Variants in TRPC6 observed in about 807,000 individuals in gnomAD.
The protein encoded by TRPC6 is short transient receptor potential channel 6.
Under a neutral mutation model 90.7 loss-of-function variants are expected in TRPC6, and 55 were observed. The ratio of observed to expected loss-of-function variants is 0.61; its 90% CI spans 0.49 to 0.76. The LOEUF (loss-of-function observed/expected upper bound fraction) is 0.76, where lower values mean the gene tolerates loss of function less well. Among genes scored for constraint, TRPC6 ranks in the 30% least tolerant of loss-of-function variants. The pLI is 0.00. For synonymous variants in TRPC6, 393 were observed against 393.0 expected (o/e 1.00, Z 0.00); for missense variants, 989 against 1,122.7 (o/e 0.88, Z 1.70).
intron 1 of TRPC6, among the ~76,000 whole-genome samples, chr11:101,571,729 A>G (rs578241164): frequency 6.6e-6 from 1 of 152,292 alleles, no homozygotes; most frequent in African/African-American, 2.4e-5. Flanking sequence ...ATCTACAACC[A>G]TCTGATCTTT....
intron 1 of TRPC6, among the ~76,000 whole-genome samples, chr11:101,543,305 T>G (rs956700053): frequency 2.6e-5 from 4 of 152,068 alleles, no homozygotes; most frequent in African/African-American, 9.7e-5. Context: ...CAATTTCTTA[T>G]AAAGTTCAAC....
chr11:101,567,072 G>C (rs1261329001), intron 1 of TRPC6, among the ~76,000 whole-genome samples: 4 of 143,046 alleles, frequency 2.8e-5, no homozygotes, highest in Admixed American at 1.4e-4. Flanking sequence ...GGGGCGGGGT[G>C]GGGGGGGTCC....
chr11:101,459,750 G>A (rs1858962030), intron 10 of TRPC6, among the ~76,000 whole-genome samples: 1 of 152,070 alleles, frequency 6.6e-6, no homozygotes, highest in Admixed American at 6.6e-5. Context: ...CTTTCAGGAT[G>A]AGTATTTTCT....
chr11:101,492,230 A>G (rs1213973810), intron 2 of TRPC6, among the ~76,000 whole-genome samples: 1 of 152,086 alleles, frequency 6.6e-6, no homozygotes, highest in Non-Finnish European at 1.5e-5. Context: ...TAGCACATGA[A>G]GATTTTCTTC....
At chr11:101,545,099 T>C (rs1555010600) in intron 1 of TRPC6, among the ~76,000 whole-genome samples, 3 of 152,086 alleles carry the variant, frequency 2.0e-5, no homozygotes, top group Non-Finnish European at 4.4e-5. Context: ...TTAGTCTTTA[T>C]ACACACACAC....
chr11:101,573,229 C>T (rs1862003531), intron 1 of TRPC6, among the ~76,000 whole-genome samples: 1 of 147,228 alleles, frequency 6.8e-6, no homozygotes, highest in South Asian at 2.5e-4. Context: ...TTTCTTGAGT[C>T]CCTACCAGAT....
chr11:101,546,803 T>C (rs1591126640), intron 1 of TRPC6, among the ~76,000 whole-genome samples: 1 of 152,190 alleles, frequency 6.6e-6, no homozygotes, highest in Non-Finnish European at 1.5e-5. Context: ...ACTGTATACA[T>C]ATAACACAAA....
intron 1 of TRPC6, among the ~76,000 whole-genome samples, chr11:101,544,144 C>T (rs146231957): frequency 0.01 from 1,530 of 152,200 alleles, 23 homozygotes; most frequent in African/African-American, 0.035. Context: ...CATCATCACT[C>T]GTCATTAGAG....
At chr11:101,534,848 G>T (rs1159347184) in intron 1 of TRPC6, among the ~76,000 whole-genome samples, 3 of 152,082 alleles carry the variant, frequency 2.0e-5, no homozygotes, top group Non-Finnish European at 2.9e-5. Flanking sequence ...ATATAAACCT[G>T]CAAGATTTAT....
intron 1 of TRPC6, among the ~76,000 whole-genome samples, chr11:101,540,756 G>C (rs1218247929): frequency 6.6e-6 from 1 of 152,134 alleles, no homozygotes; most frequent in Non-Finnish European, 1.5e-5. Context: ...AAAGAAAGAT[G>C]AGTTAAAAAT....
At chr11:101,522,759 A>T (rs1258900811) in intron 1 of TRPC6, among the ~76,000 whole-genome samples, 1 of 152,350 alleles carries the variant, frequency 6.6e-6, no homozygotes, top group Admixed American at 6.5e-5. Context: ...TTCTCAGCAC[A>T]TATCTGTTGA....
intron 11 of TRPC6, 21 bp downstream of exon 11, chr11:101,454,997 C>G: frequency 6.3e-7 from 1 of 1,584,994 alleles, no homozygotes; most frequent in South Asian, 1.1e-5. Context: ...TAGTTTTATT[C>G]CTTTAAAAAT....
chr11:101,482,295 G>A (rs1398187581), intron 5 of TRPC6, among the ~76,000 whole-genome samples: 1 of 152,082 alleles, frequency 6.6e-6, no homozygotes, highest in Non-Finnish European at 1.5e-5. Context: ...ATATCTAATT[G>A]AAGTATCTTT....
chr11:101,516,580 A>G (rs902631135), intron 1 of TRPC6, among the ~76,000 whole-genome samples: 1 of 152,350 alleles, frequency 6.6e-6, no homozygotes, highest in Admixed American at 6.5e-5. Context: ...GTAAGTACTT[A>G]GCACAAACTT....
chr11:101,583,497 G>A lies in TRPC6; in HGVS notation c.7C>T (p.Gln3Ter), dbSNP rs1194650989. 10 of 1,486,116 alleles carry A rather than the reference G, an allele frequency of 6.7e-6. No homozygotes were observed. The highest frequency in any genetic ancestry group is 8.0e-6 in the Non-Finnish European group (9 of 1,118,406). 92.1% of individuals were successfully genotyped at this position (1,486,116 alleles called of 1,614,324 possible). A position where few individuals can be genotyped will look rare whatever the true frequency, so the allele number is the denominator to read the frequency against. Residue 3 changes from glutamine to a stop codon, truncating the protein, a stop_gained, in exon 1 of 13, where the codon CAG becomes TAG. Coordinates refer to ENST00000344327, the MANE Select transcript of TRPC6 (RefSeq NM_004621.6). LOFTEE classifies it high-confidence loss of function. The stretch of plus-strand genomic sequence containing the variant: ...CTCCGGGGCCCGAACGCCGGGCTCT[G>A]GCTCATGGCGGGAACGCCCGACTGG... MS[Q>*]SPAFGPRRGS... is the part of the protein sequence containing the mutation.
chr11:101,507,628 G>T (rs1860305070), intron 1 of TRPC6, among the ~76,000 whole-genome samples: 1 of 152,062 alleles, frequency 6.6e-6, no homozygotes. Flanking sequence ...TAGTTTGGCT[G>T]GGTAGAGAAT....
intron 1 of TRPC6, among the ~76,000 whole-genome samples, chr11:101,539,892 C>T (rs1275741347): frequency 6.6e-6 from 1 of 152,124 alleles, no homozygotes; most frequent in Non-Finnish European, 1.5e-5. Context: ...GTCTAGACAT[C>T]AATGCTGGAG....
intron 1 of TRPC6, among the ~76,000 whole-genome samples, chr11:101,561,303 G>T (rs1391686384): frequency 4.6e-5 from 7 of 152,086 alleles, no homozygotes; most frequent in Non-Finnish European, 1.0e-4. Flanking sequence ...CTCAAGTACT[G>T]TCCTCCTTCT....
intron 1 of TRPC6, among the ~76,000 whole-genome samples, chr11:101,536,735 G>T (rs998050667): frequency 1.3e-5 from 2 of 152,146 alleles, no homozygotes; most frequent in African/African-American, 4.8e-5. Context: ...TTAGTCAGGG[G>T]CGAGAGCATT....
Sources: allele counts gnomAD v4.1 joint callset (sites outside exome capture counted in the v4.1 genomes callset), GRCh38; gene constraint gnomAD v4.1.1; transcripts MANE v1.5; gene names NCBI Gene and HGNC (gene_info 2026-07-23, HGNC 2026-07-21).